The following RPS12 variants were observed in gnomAD, a reference collection of about 807,000 sequenced individuals.
RPS12 encodes small ribosomal subunit protein eS12.
A neutral mutation model predicts 17.2 loss-of-function variants in RPS12; 1 was observed. The ratio of observed to expected loss-of-function variants is 0.06; its 90% CI spans 0.02 to 0.28. The LOEUF is 0.28. RPS12 is among the 10% of genes least tolerant of loss of function. RPS12 has a pLI of 1.00. For synonymous variants in RPS12, 67 were observed against 54.0 expected, an observed-to-expected ratio of 1.24 and a Z score of -1.06; for missense variants, 146 against 162.1, an observed-to-expected ratio of 0.90 and a Z score of 0.54.
intron 4 of RPS12, 68 bp downstream of exon 4, chr6:132,816,631 G>A (rs1186607829): frequency 1.9e-6 from 2 of 1,052,270 alleles, no homozygotes; most frequent in East Asian, 4.7e-5. Flanking sequence ...TAAATTCTGT[G>A]AAGTCTCAAG....
At chr6:132,815,119 C>A in intron 3 of RPS12, 31 bp downstream of exon 3, 1 of 1,399,574 alleles carries the variant, frequency 7.1e-7, no homozygotes, top group Non-Finnish European at 1.0e-6. Context: ...ACTGTGGGTT[C>A]TTGCAACCGG....
At chr6:132,816,068 G>C (rs1011233461) in intron 3 of RPS12, 2 of 374,198 alleles carry the variant, frequency 5.3e-6, no homozygotes, top group African/African-American at 4.3e-5. Flanking sequence ...TCCTGACCTC[G>C]GGTCATCTGC....
chr6:132,814,569 C>G lies in RPS12; in HGVS notation c.-82C>G. The G allele has an allele frequency of 1.4e-6, 1 of 727,214 alleles. No individual in the cohort carries two copies. Among genetic ancestry groups the G allele is most frequent in the Admixed American group, 2.0e-5 (1 of 49,838 alleles). The allele number at this position is 727,214 out of a possible 1,614,324, so 45.0% of individuals were successfully genotyped here. On this transcript the variant is annotated 5_prime_UTR_variant, in exon 1 of 6. Transcript: ENST00000230050. ...ATACCGGCATGCGTGCGGATGAGGC[C>G]TCTTTCCCTGCCGCCGCCGAGTCGC...
In RPS12 at chr6:132,816,462, C is replaced by T; in HGVS notation, c.133C>T (p.Arg45Cys). The change falls in exon 4 of 6, where the codon CGC (arginine) becomes TGC (cysteine). Residue 45 changes from arginine (R) to cysteine (C), a missense_variant and splice_region_variant. By Grantham distance (180) the Arg-to-Cys change is radical. Transcript: ENST00000230050. ...IREAAKALDKRQAHLCVLASN... is the reference protein window; with the variant it reads ...IREAAKALDKCQAHLCVLASN... ...TTTTCATTGTAATTTGAATTTCAGGCGCCAAGCCCATCTTTGTGTGCTTGC... is the reference window on the plus strand; with the variant it reads ...TTTTCATTGTAATTTGAATTTCAGGTGCCAAGCCCATCTTTGTGTGCTTGC... 2 of 1,605,198 alleles carry T rather than the reference C, an allele frequency of 1.2e-6. No individual in the cohort carries two copies. Among genetic ancestry groups the T allele is most frequent in the Non-Finnish European group, 1.7e-6 (2 of 1,174,588 alleles).
intron 4 of RPS12, 83 bp from the exon 5 acceptor site, chr6:132,816,877 C>T: frequency 1.1e-6 from 1 of 950,820 alleles, no homozygotes; most frequent in Non-Finnish European, 1.7e-6. Context: ...CTGATTACAG[C>T]CACCTTTTGG....
chr6:132,816,191 GT>G, intron 3 of RPS12: 2 of 531,374 alleles, frequency 3.8e-6, no homozygotes, highest in Non-Finnish European at 6.8e-6. Context: ...TTATGGTTGG[GT>G]TTTGGCCAGA....
At chr6:132,816,621 T>C in intron 4 of RPS12, 58 bp downstream of exon 4, 1 of 1,161,186 alleles carries the variant, frequency 8.6e-7, no homozygotes, top group Non-Finnish European at 1.3e-6. Flanking sequence ...TATATGGGGG[T>C]AAATTCTGTG....
intron 5 of RPS12, 160 bp from the exon 6 acceptor site, chr6:132,817,320 C>T (rs762586030): frequency 2.9e-5 from 23 of 781,488 alleles, no homozygotes; most frequent in Middle Eastern, 4.5e-4. Flanking sequence ...ACATTGAAGT[C>T]GTTAAGGTCC....
At chr6:132,815,382 G>A (rs1782024596) in intron 3 of RPS12, 1 of 590,052 alleles carries the variant, frequency 1.7e-6, no homozygotes, top group African/African-American at 1.8e-5. Context: ...TGACAAACCT[G>A]TAGGTTGTGG....
chr6:132,817,206 AG>A, intron 5 of RPS12, 145 bp downstream of exon 5: 1 of 778,556 alleles, frequency 1.3e-6, no homozygotes, highest in Admixed American at 1.8e-5. Flanking sequence ...AAAAAATAAA[AG>A]CTGTAATTTA....
At position 132,817,345 on chromosome 6, in the gene RPS12, A is replaced by G. The variant is rs139120707; in HGVS notation, c.337-135A>G. ...CGTTAAGGTCCCTGAGAATGGCTAT[A>G]ACAAATCTTAGTGATGGGAAACATT... On this transcript the variant is annotated intron_variant, in intron 5 of 5. Transcript: ENST00000230050. 430 of 804,972 alleles carry G rather than the reference A, an allele frequency of 5.3e-4. 3 individuals carry two copies. The African/African-American group carries it at 6.6e-3, about 12-fold the overall frequency. The allele number at this position is 804,972 out of a possible 1,614,324, so 49.9% of individuals were successfully genotyped here. A position where few individuals can be genotyped will look rare whatever the true frequency, so the allele number is the denominator to read the frequency against.
At chr6:132,815,173 G>A (rs1782017345) in intron 3 of RPS12, 85 bp downstream of exon 3, 1 of 898,280 alleles carries the variant, frequency 1.1e-6, no homozygotes, top group South Asian at 1.3e-5. Flanking sequence ...AGTTCATGGT[G>A]TTAGCGCAAA....
At chr6:132,816,755 G>A (rs980273762) in intron 4 of RPS12, 192 bp downstream of exon 4, 4 of 767,546 alleles carry the variant, frequency 5.2e-6, no homozygotes, top group Non-Finnish European at 9.5e-6. Flanking sequence ...TAATTTTGAC[G>A]TTGGTATACA....
In RPS12 at chr6:132,815,756, G is replaced by A. The variant is rs182692192; in HGVS notation, c.131+668G>A. ...TGTTTAATGTATTTAGTAGGTCCTAGTATGAGTCTTCTGTATTTCTATTTC... is the reference window on the plus strand; with the variant it reads ...TGTTTAATGTATTTAGTAGGTCCTAATATGAGTCTTCTGTATTTCTATTTC... On this transcript the variant is annotated intron_variant, in intron 3 of 5. Transcript: ENST00000230050. 1.5e-5 allele frequency: 7 copies of A among 456,158 alleles called. No homozygotes were observed. The Admixed American group carries it at 1.6e-4, about 11-fold the overall frequency. The allele number at this position is 456,158 out of a possible 1,614,324, so 28.3% of individuals were successfully genotyped here.
intron 3 of RPS12, 63 bp downstream of exon 3, chr6:132,815,151 A>G: frequency 9.5e-7 from 1 of 1,048,052 alleles, no homozygotes. Context: ...CACCCAAGGG[A>G]AGAAGGCATG....
At position 132,814,721 on chromosome 6, in the gene RPS12, T is replaced by C. The variant is rs1453210707; in HGVS notation, c.-37-11T>C. The C allele has an allele frequency of 3.1e-6, 5 of 1,606,256 alleles. No individual in the cohort carries two copies. The highest frequency in any genetic ancestry group is 4.3e-6 in the Non-Finnish European group (5 of 1,173,238). On this transcript the variant is annotated splice_polypyrimidine_tract_variant and intron_variant, in intron 1 of 5. Coordinates refer to ENST00000230050, the MANE Select transcript of RPS12 (RefSeq NM_001016.4). ...CTGGTTCTTTAACAAGTCAATGCTTTTGTTTTTTAGTGCGTTCAAGATTCA... is the reference window on the plus strand; with the variant it reads ...CTGGTTCTTTAACAAGTCAATGCTTCTGTTTTTTAGTGCGTTCAAGATTCA...
intron 3 of RPS12, 104 bp from the exon 4 acceptor site, chr6:132,816,357 T>G: frequency 1.2e-6 from 1 of 805,804 alleles, no homozygotes; most frequent in East Asian, 2.5e-5. Context: ...GATTGGCTGC[T>G]TATGTTTCGC....
rs747707729 is a variant in RPS12, at chr6:132,816,470, C to A, written c.141C>A (p.Ala47=). The stretch of plus-strand genomic sequence containing the variant: ...GTAATTTGAATTTCAGGCGCCAAGC[C>A]CATCTTTGTGTGCTTGCATCCAACT... ...EAAKALDKRQ[A]HLCVLASNCD... Residue 47 remains alanine (A), a synonymous_variant, in exon 4 of 6, where the codon GCC becomes GCA. Transcript: ENST00000230050. 1.2e-5 allele frequency: 20 copies of A among 1,606,898 alleles called. No homozygotes were observed. Among genetic ancestry groups the A allele is most frequent in the Non-Finnish European group, 1.5e-5 (18 of 1,176,386 alleles).
chr6:132,815,273 GT>G (rs1562280107), intron 3 of RPS12, 185 bp downstream of exon 3: 1 of 745,660 alleles, frequency 1.3e-6, no homozygotes, highest in Non-Finnish European at 2.5e-6. Flanking sequence ...GTGGGTTGCT[GT>G]TTGGAATGGG....
Sources: allele counts gnomAD v4.1 joint callset, GRCh38; gene constraint gnomAD v4.1.1; transcripts MANE v1.5; gene names NCBI Gene and HGNC (gene_info 2026-07-23, HGNC 2026-07-21).